Variants in SLC35G2 observed in about 807,000 individuals in gnomAD.
SLC35G2 encodes the protein transmembrane protein 22.
SLC35G2 carries 20 observed loss-of-function variants against 27.2 expected under a neutral mutation model. That is an observed-to-expected ratio of 0.74 (90% confidence interval 0.52 to 1.07). The LOEUF (loss-of-function observed/expected upper bound fraction) is 1.07. SLC35G2 is among the 50% of genes least tolerant of loss of function. The pLI is 0.00. For missense variants in SLC35G2, 416 were observed against 493.3 expected (o/e 0.84, Z 1.48); for synonymous variants, 148 against 165.3 (o/e 0.90, Z 0.80).
chr3:136,824,133 A>G lies in SLC35G2; in HGVS notation c.-19+4505A>G, dbSNP rs961942327. Among the ~76,000 whole-genome samples the G allele has an allele frequency of 2.6e-5, 4 of 152,194 alleles. No homozygotes were observed. The East Asian group carries it at 7.7e-4, about 29-fold the overall frequency. ...GTTTTGGTTACTATAGCTCTGTAGT[A>G]TAATTTGAAGTCACGTAATGTGATT... On this transcript the variant is annotated intron_variant, in intron 1 of 1. Transcript: ENST00000446465.
intron 1 of SLC35G2, among the ~76,000 whole-genome samples, chr3:136,852,516 G>A (rs531583605): frequency 6.8e-6 from 1 of 147,866 alleles, no homozygotes; most frequent in Admixed American, 6.8e-5. Context: ...TTTTTGAGAT[G>A]GAGTCTTGCT....
chr3:136,828,312 G>A (rs1576888048), intron 1 of SLC35G2, among the ~76,000 whole-genome samples: 1 of 152,144 alleles, frequency 6.6e-6, no homozygotes, highest in Admixed American at 6.6e-5. Context: ...CTGTCTGCAC[G>A]ATCTGTCCAA....
chr3:136,830,724 C>A (rs1163470341), intron 1 of SLC35G2, among the ~76,000 whole-genome samples: 1 of 152,134 alleles, frequency 6.6e-6, no homozygotes, highest in Non-Finnish European at 1.5e-5. Context: ...CACATCATTT[C>A]TTTTTATTCT....
intron 1 of SLC35G2, among the ~76,000 whole-genome samples, chr3:136,847,802 C>G (rs907728270): frequency 3.9e-5 from 6 of 152,072 alleles, no homozygotes; most frequent in Non-Finnish European, 8.8e-5. Context: ...AACCCCACCT[C>G]TACTAAAATA....
At chr3:136,846,138 T>G (rs906761866) in intron 1 of SLC35G2, among the ~76,000 whole-genome samples, 1 of 152,182 alleles carries the variant, frequency 6.6e-6, no homozygotes, top group African/African-American at 2.4e-5. Flanking sequence ...GACTTTGGAC[T>G]TAAACCGCAA....
intron 1 of SLC35G2, chr3:136,843,287 C>A (rs1186943554): frequency 1.5e-5 from 2 of 130,090 alleles, no homozygotes; most frequent in African/African-American, 5.8e-5. Context: ...CGCGCCACTG[C>A]ACTCCAGGCT....
At chr3:136,830,280 T>C (rs925300651) in intron 1 of SLC35G2, among the ~76,000 whole-genome samples, 1 of 151,418 alleles carries the variant, frequency 6.6e-6, no homozygotes, top group Non-Finnish European at 1.5e-5. Flanking sequence ...AGCTACTTTT[T>C]GTATTATTAT....
At chr3:136,822,301 T>C (rs1218617879) in intron 1 of SLC35G2, among the ~76,000 whole-genome samples, 2 of 152,094 alleles carry the variant, frequency 1.3e-5, no homozygotes, top group Non-Finnish European at 2.9e-5. Flanking sequence ...GTAACCACCA[T>C]CCTTCTACTC....
chr3:136,831,785 T>A (rs1560011561), intron 1 of SLC35G2, among the ~76,000 whole-genome samples: 1 of 152,180 alleles, frequency 6.6e-6, no homozygotes, highest in Non-Finnish European at 1.5e-5. Context: ...CACCAAACCT[T>A]GCTGAGCTTC....
At chr3:136,852,380 C>T (rs545017845) in intron 1 of SLC35G2, among the ~76,000 whole-genome samples, 3 of 151,130 alleles carry the variant, frequency 2.0e-5, no homozygotes, top group East Asian at 3.9e-4. Flanking sequence ...CAGATGGTGT[C>T]GAAGAACAAA....
rs578220941 is a variant in SLC35G2 at position 136,850,495 on chromosome 3, T to G, written c.-18-3948T>G. 3.9e-5 allele frequency among the ~76,000 whole-genome samples: 6 copies of G among 152,276 alleles called. 1 individual carries two copies. Among genetic ancestry groups the G allele is most frequent in the African/African-American group, 1.2e-4 (5 of 41,564 alleles). ...CCTTTCTTGATGTTTTTAGGGAAAA[T>G]GAGCCAAATAATATTTTAAAAAATG... On this transcript the variant is annotated intron_variant, in intron 1 of 1. Coordinates refer to ENST00000446465, the MANE Select transcript of SLC35G2 (RefSeq NM_025246.3).
rs112191757 is a variant in SLC35G2, at chr3:136,827,839, G to T, written c.-19+8211G>T. ...TACTTGGTATCATTTCAGGGTTTTTGTTTTTTTTTTTTTGAGACAGGGTCT... is the reference window on the plus strand; with the variant it reads ...TACTTGGTATCATTTCAGGGTTTTTTTTTTTTTTTTTTTGAGACAGGGTCT... On this transcript the variant is annotated intron_variant, in intron 1 of 1. Transcript: ENST00000446465. Among the ~76,000 whole-genome samples, 132 of 141,124 alleles carry T rather than the reference G, an allele frequency of 9.4e-4. 1 individual carries two copies. Among genetic ancestry groups the T allele is most frequent in the African/African-American group, 1.9e-3 (75 of 38,928 alleles). 92.6% of individuals were successfully genotyped at this position (141,124 alleles called of 152,430 possible).
At chr3:136,847,339 CAT>C (rs1937431287) in intron 1 of SLC35G2, among the ~76,000 whole-genome samples, 1 of 152,184 alleles carries the variant, frequency 6.6e-6, no homozygotes, top group East Asian at 1.9e-4. Context: ...GGCTCTCCCA[CAT>C]AAGGGATTTG....
Position 136,851,222 on chromosome 3 carries a change from C to T in SLC35G2, c.-18-3221C>T, listed in dbSNP as rs571833040. On this transcript the variant is annotated intron_variant, in intron 1 of 1. Transcript: ENST00000446465. ...AAAGATGAACAATGTTGGCCGGGCG[C>T]GGTGGCTCACGCCTGTAATCCCAGC... Among the ~76,000 whole-genome samples, 6 of 150,468 alleles carry T rather than the reference C, an allele frequency of 4.0e-5. No individual in the cohort carries two copies. The East Asian group carries it at 8.0e-4, about 20-fold the overall frequency.
At chr3:136,844,646 A>G (rs1354395993) in intron 1 of SLC35G2, among the ~76,000 whole-genome samples, 1 of 151,592 alleles carries the variant, frequency 6.6e-6, no homozygotes, top group East Asian at 1.9e-4. Flanking sequence ...CAGAAAATAC[A>G]AAAATTAGCT....
rs760520671 is a variant in SLC35G2, at chr3:136,855,146, G to T, written c.686G>T (p.Ser229Ile). 1 of 1,614,164 alleles carries T rather than the reference G, an allele frequency of 6.2e-7. No homozygotes were observed. Among genetic ancestry groups the T allele is most frequent in the South Asian group, 1.1e-5 (1 of 91,082 alleles). The change falls in exon 2 of 2, where the codon AGC becomes ATC. Residue 229 changes from serine to isoleucine, a missense_variant. Transcript: ENST00000446465. Reference protein sequence around the residue: ...AYVDMATVVCSILGVCLVMIP... With the variant: ...AYVDMATVVCIILGVCLVMIP... ...GTTGACATGGCTACAGTTGTTTGCA[G>T]CATCTTAGGTGTTTGTCTTGTCATG...
At chr3:136,825,499 C>T (rs1370171606) in intron 1 of SLC35G2, among the ~76,000 whole-genome samples, 2 of 152,158 alleles carry the variant, frequency 1.3e-5, no homozygotes, top group Non-Finnish European at 2.9e-5. Flanking sequence ...CCCTCAGCCT[C>T]CCAAAGTGCT....
intron 1 of SLC35G2, among the ~76,000 whole-genome samples, chr3:136,833,504 A>T (rs537841498): frequency 6.6e-6 from 1 of 152,230 alleles, no homozygotes; most frequent in Admixed American, 6.6e-5. Context: ...CATGGAAGAC[A>T]GTTTTTCCAT....
chr3:136,855,265 G>A lies in SLC35G2; in HGVS notation c.805G>A (p.Ala269Thr). The change falls in exon 2 of 2, where the codon GCT (alanine) becomes ACT (threonine). Residue 269 changes from alanine (A) to threonine (T), a missense_variant. By Grantham distance (58) the Ala-to-Thr change is moderately conservative. Transcript: ENST00000446465. The stretch of plus-strand genomic sequence containing the variant: ...GACTGTGATGGCTGGACTGACCACT[G>A]CTCTCTCAATGATAGTATACAGATC... ...TMTVMAGLTT[A>T]LSMIVYRSIK... The A allele has an allele frequency of 6.2e-7, 1 of 1,614,150 alleles. No individual in the cohort carries two copies.
Sources: gnomAD v4.1 joint callset for allele counts (sites outside exome capture counted in the v4.1 genomes callset) on GRCh38, gnomAD v4.1.1 for gene constraint, MANE v1.5 for transcripts, NCBI Gene and HGNC (gene_info 2026-07-23, HGNC 2026-07-21) for gene names.